The following UBQLN1 variants were observed in gnomAD, a reference collection of about 807,000 sequenced individuals.
UBQLN1 encodes ubiquilin 1, also known as ubiquilin-1.
Under a neutral mutation model 65.4 loss-of-function variants are expected in UBQLN1, and 13 were observed. The ratio of observed to expected loss-of-function variants is 0.20; its 90% confidence interval spans 0.13 to 0.32. UBQLN1 has a LOEUF of 0.32. UBQLN1 is among the 10% of genes least tolerant of loss of function. UBQLN1 has a pLI of 1.00. For synonymous variants in UBQLN1, 267 were observed against 247.8 expected (o/e 1.08, Z -0.73); for missense variants, 561 against 724.0 (o/e 0.77, Z 2.58).
intron 1 of UBQLN1, among the ~76,000 whole-genome samples, chr9:83,695,813 A>C (rs1317256353): frequency 6.6e-6 from 1 of 152,230 alleles, no homozygotes; most frequent in Non-Finnish European, 1.5e-5. Context: ...GCCTATAATA[A>C]ATAGAATCTG....
chr9:83,706,841 A>C (rs1832416848), intron 1 of UBQLN1, among the ~76,000 whole-genome samples: 1 of 152,212 alleles, frequency 6.6e-6, no homozygotes, highest in African/African-American at 2.4e-5. Flanking sequence ...AACATACTAA[A>C]AGGGAAAGAG....
chr9:83,662,949 G>A (rs531634876), intron 10 of UBQLN1, among the ~76,000 whole-genome samples: 22 of 152,116 alleles, frequency 1.4e-4, no homozygotes, highest in Admixed American at 1.0e-3. Context: ...GGTGGTCTGC[G>A]CCTGTAATCC....
chr9:83,689,183 G>C (rs1564169370), intron 1 of UBQLN1, among the ~76,000 whole-genome samples: 1 of 152,116 alleles, frequency 6.6e-6, no homozygotes, highest in Non-Finnish European at 1.5e-5. Flanking sequence ...TATGGTCTTT[G>C]TGACTAGCTT....
chr9:83,681,799 C>T (rs1175999141), intron 3 of UBQLN1, among the ~76,000 whole-genome samples: 1 of 152,172 alleles, frequency 6.6e-6, no homozygotes, highest in Non-Finnish European at 1.5e-5. Context: ...TATGCCACTT[C>T]TGGCCAAAGT....
chr9:83,705,499 T>A (rs1832387380), intron 1 of UBQLN1, among the ~76,000 whole-genome samples: 1 of 152,190 alleles, frequency 6.6e-6, no homozygotes, highest in Non-Finnish European at 1.5e-5. Flanking sequence ...CGCCTCGGCC[T>A]CACAAAGTGC....
rs1410717877 is a variant in UBQLN1, at chr9:83,660,211, G to T, written c.*1576C>A. On this transcript the variant is annotated 3_prime_UTR_variant, in exon 11 of 11. Coordinates refer to ENST00000376395, the MANE Select transcript of UBQLN1 (RefSeq NM_013438.5). Reference sequence around the variant, plus strand: ...AAGTGTCAGAACAGTGCAAGGACTGGTGGGTAACCTGGCCTCTTAACCTTT... The same window carrying T: ...AAGTGTCAGAACAGTGCAAGGACTGTTGGGTAACCTGGCCTCTTAACCTTT... 6.6e-6 allele frequency: 1 copy of T among 152,606 alleles called. No homozygotes were observed. The highest frequency in any genetic ancestry group is 2.4e-5 in the African/African-American group (1 of 41,442). The allele number at this position is 152,606 out of a possible 1,614,324, so 9.5% of individuals were successfully genotyped here. A position where few individuals can be genotyped will look rare whatever the true frequency, so the allele number is the denominator to read the frequency against.
chr9:83,691,145 A>T (rs1470932140), intron 1 of UBQLN1, among the ~76,000 whole-genome samples: 3 of 149,978 alleles, frequency 2.0e-5, no homozygotes, highest in East Asian at 2.0e-4. Context: ...TCAAAAAAAT[A>T]AAAAAAATAA....
intron 4 of UBQLN1, among the ~76,000 whole-genome samples, chr9:83,678,802 C>T (rs10780623): frequency 0.27 from 40,559 of 151,970 alleles, 6,626 homozygotes; most frequent in East Asian, 0.8. Context: ...CTGCAAGCTC[C>T]GCCTCCCGGG....
At chr9:83,668,211 A>T in intron 7 of UBQLN1, 1 of 985,218 alleles carries the variant, frequency 1.0e-6, no homozygotes, top group Non-Finnish European at 1.2e-6. Context: ...CAATTCCACA[A>T]ATTTGGTGAG....
intron 1 of UBQLN1, among the ~76,000 whole-genome samples, chr9:83,703,162 C>CCA (rs1564174522): frequency 1.1e-4 from 17 of 148,804 alleles, no homozygotes; most frequent in Non-Finnish European, 1.5e-5. Flanking sequence ...AACAATTAAC[C>CCA]AAAAAAAAAA....
chr9:83,665,350 C>T lies in UBQLN1; in HGVS notation c.1333-205G>A, dbSNP rs565602439. On this transcript the variant is annotated intron_variant, in intron 8 of 10. Transcript: ENST00000376395. ...GTGCAAATTATTACTTGACCTCCTC[C>T]TAAGTCCATCATGAAAGCCATTTCC... 322 of 418,094 alleles carry T rather than the reference C, an allele frequency of 7.7e-4. 1 individual carries two copies. The highest frequency in any genetic ancestry group is 1.2e-3 in the Non-Finnish European group (281 of 236,314). 25.9% of individuals were successfully genotyped at this position (418,094 alleles called of 1,614,324 possible).
chr9:83,678,483 G>A lies in UBQLN1; in HGVS notation c.828C>T (p.Tyr276=), dbSNP rs777104500. ...PGGYNALRRM[Y]TDIQEPMLSA... The stretch of plus-strand genomic sequence containing the variant: ...TCAGCATTGGTTCCTGAATATCTGT[G>A]TACATGCGCCTTAAAGCATTATATC... Residue 276 remains tyrosine, a synonymous_variant, in exon 5 of 11, where the codon TAC becomes TAT. Transcript: ENST00000376395. 1 of 1,614,030 alleles carries A rather than the reference G, an allele frequency of 6.2e-7. No individual in the cohort carries two copies. Among genetic ancestry groups the A allele is most frequent in the Non-Finnish European group, 8.5e-7 (1 of 1,179,978 alleles).
At chr9:83,702,869 T>C (rs903782814) in intron 1 of UBQLN1, among the ~76,000 whole-genome samples, 2 of 152,206 alleles carry the variant, frequency 1.3e-5, no homozygotes, top group Non-Finnish European at 2.9e-5. Flanking sequence ...GTTTAAATTA[T>C]GTCTAAGTAT....
intron 8 of UBQLN1, among the ~76,000 whole-genome samples, chr9:83,665,735 A>C (rs1378064341): frequency 3.3e-5 from 5 of 152,338 alleles, no homozygotes; most frequent in African/African-American, 1.2e-4. Context: ...AGTCATTTGC[A>C]TAATACATGA....
chr9:83,696,238 A>T (rs1832213943), intron 1 of UBQLN1, among the ~76,000 whole-genome samples: 1 of 152,234 alleles, frequency 6.6e-6, no homozygotes, highest in African/African-American at 2.4e-5. Context: ...TGATATATGT[A>T]AACAATGTGG....
intron 1 of UBQLN1, among the ~76,000 whole-genome samples, chr9:83,699,858 G>A (rs188802224): frequency 3.3e-5 from 5 of 152,306 alleles, no homozygotes; most frequent in Admixed American, 3.3e-4. Flanking sequence ...AATAGATTTC[G>A]ACTACCAGTT....
intron 7 of UBQLN1, chr9:83,668,738 C>G: frequency 3.1e-6 from 2 of 651,330 alleles, no homozygotes; most frequent in Non-Finnish European, 3.8e-6. Context: ...CTGACAAATT[C>G]CCGTCTTTAA....
chr9:83,677,472 G>A (rs773441975), intron 6 of UBQLN1, among the ~76,000 whole-genome samples: 1 of 152,164 alleles, frequency 6.6e-6, no homozygotes, highest in African/African-American at 2.4e-5. Flanking sequence ...TGAGGCAGAA[G>A]AATCACTTGA....
intron 6 of UBQLN1, among the ~76,000 whole-genome samples, chr9:83,671,810 T>C (rs1831736622): frequency 6.6e-6 from 1 of 152,230 alleles, no homozygotes. Context: ...ACAGTCAGCC[T>C]TTCCTTTGAA....
Sources: allele counts gnomAD v4.1 joint callset (sites outside exome capture counted in the v4.1 genomes callset), GRCh38; gene constraint gnomAD v4.1.1; transcripts MANE v1.5; gene names NCBI Gene and HGNC (gene_info 2026-07-23, HGNC 2026-07-21).